SETD7: variants seen among roughly 807,000 people sequenced by gnomAD.
SETD7 encodes the protein SET domain containing 7, histone lysine methyltransferase.
A neutral mutation model predicts 41.8 loss-of-function variants in SETD7; 16 were observed. That is an observed-to-expected ratio of 0.38 (90% CI 0.26 to 0.58). The LOEUF (loss-of-function observed/expected upper bound fraction) is 0.58, where lower values mean the gene tolerates loss of function less well. Ranked by LOEUF, SETD7 falls within the 20% of genes least tolerant of loss-of-function variation. SETD7 has a pLI of 0.64. For missense variants in SETD7, 346 were observed against 459.7 expected (o/e 0.75, Z 2.26); for synonymous variants, 163 against 169.7 (o/e 0.96, Z 0.31).
chr4:139,520,941 G>T (rs1260444727), intron 5 of SETD7, among the ~76,000 whole-genome samples: 1 of 152,170 alleles, frequency 6.6e-6, no homozygotes, highest in African/African-American at 2.4e-5. Context: ...GTCCAGTCTG[G>T]CTGCTGCTCA....
intron 2 of SETD7, among the ~76,000 whole-genome samples, chr4:139,533,965 C>CTTTGTATG (rs1553934806): frequency 6.1e-5 from 9 of 148,544 alleles, no homozygotes; most frequent in Middle Eastern, 3.4e-3. Flanking sequence ...ATCTATATAT[C>CTTTGTATG]TATGTATGTA....
At position 139,555,835 on chromosome 4, in the gene SETD7, C is replaced by A. The variant is rs960636005; in HGVS notation, c.40+263G>T. On this transcript the variant is annotated intron_variant, in intron 1 of 7. Transcript: ENST00000274031. This position sits in a 1 kb window ranked among gnomAD's most constrained non-coding sequence, Gnocchi z 4.0. ...CTCCGAGGGTGGATGCAGGCTGTGG[C>A]CGGGCGGGATGGAGCGGCCGTGCGT... is the stretch of plus-strand genomic sequence containing the variant. Among the ~76,000 whole-genome samples the A allele has an allele frequency of 1.2e-4, 18 of 152,112 alleles. No homozygotes were observed. Among genetic ancestry groups the A allele is most frequent in the African/African-American group, 3.6e-4 (15 of 41,446 alleles).
Position 139,508,783 on chromosome 4 carries a change from T to C in SETD7, c.*2880A>G, listed in dbSNP as rs1726779062. ...CCCCAGCAGATGTAAAGTAGAAAAATACATTCTGAGTATTCTTTTCCACTT... is the reference window on the plus strand; with the variant it reads ...CCCCAGCAGATGTAAAGTAGAAAAACACATTCTGAGTATTCTTTTCCACTT... On this transcript the variant is annotated 3_prime_UTR_variant, in exon 8 of 8. Coordinates refer to ENST00000274031, the MANE Select transcript of SETD7 (RefSeq NM_030648.4). 1 of 152,142 alleles carries C rather than the reference T, an allele frequency of 6.6e-6. No homozygotes were observed. Among genetic ancestry groups the C allele is most frequent in the Non-Finnish European group, 1.5e-5 (1 of 68,034 alleles). The allele number at this position is 152,142 out of a possible 1,614,324, so 9.4% of individuals were successfully genotyped here.
intron 3 of SETD7, among the ~76,000 whole-genome samples, chr4:139,530,112 G>C (rs1037426713): frequency 6.6e-6 from 1 of 152,056 alleles, no homozygotes; most frequent in Non-Finnish European, 1.5e-5. Context: ...TTACCAAAAA[G>C]TAATGAATAA....
Position 139,511,374 on chromosome 4 carries a change from C to T in SETD7, c.*289G>A, listed in dbSNP as rs902027336. The T allele has an allele frequency of 1.9e-5, 7 of 371,172 alleles. No homozygotes were observed. Among genetic ancestry groups the T allele is most frequent in the South Asian group, 9.0e-5 (3 of 33,244 alleles). 23.0% of individuals were successfully genotyped at this position (371,172 alleles called of 1,614,324 possible). A position where few individuals can be genotyped will look rare whatever the true frequency, so the allele number is the denominator to read the frequency against. On this transcript the variant is annotated 3_prime_UTR_variant, in exon 8 of 8. Coordinates refer to ENST00000274031, the MANE Select transcript of SETD7 (RefSeq NM_030648.4). ...TTTCAGTCTAATCATTTGGCATCTC[C>T]GAATGTGGTACAGATTTAGACTTGA...
intron 7 of SETD7, among the ~76,000 whole-genome samples, chr4:139,499,372 A>G (rs1579194044): frequency 1.3e-5 from 2 of 152,332 alleles, no homozygotes; most frequent in East Asian, 3.9e-4. Flanking sequence ...TTAAACAATG[A>G]CCTGCCATTG....
chr4:139,531,596 C>T (rs1727483461), intron 3 of SETD7, among the ~76,000 whole-genome samples: 1 of 152,170 alleles, frequency 6.6e-6, no homozygotes. Flanking sequence ...ACGGATCCTA[C>T]CAAGAGGATA....
intron 2 of SETD7, among the ~76,000 whole-genome samples, chr4:139,540,418 G>A (rs1324141119): frequency 6.6e-6 from 1 of 152,180 alleles, no homozygotes; most frequent in Non-Finnish European, 1.5e-5. Context: ...AGGCAGTCAG[G>A]CCCACAGCTA....
chr4:139,551,840 A>G (rs996038541), intron 1 of SETD7, among the ~76,000 whole-genome samples: 2 of 152,200 alleles, frequency 1.3e-5, no homozygotes, highest in Non-Finnish European at 2.9e-5. Flanking sequence ...GTGAGACCCC[A>G]TCTCATTAAA....
At chr4:139,528,389 G>T (rs1260230705) in intron 4 of SETD7, among the ~76,000 whole-genome samples, 1 of 152,104 alleles carries the variant, frequency 6.6e-6, no homozygotes, top group African/African-American at 2.4e-5. Flanking sequence ...TACTTGATTT[G>T]GTTCTTTATT....
chr4:139,517,250 G>GGATC (rs1488250341), intron 7 of SETD7, among the ~76,000 whole-genome samples: 1 of 152,150 alleles, frequency 6.6e-6, no homozygotes, highest in Non-Finnish European at 1.5e-5. Flanking sequence ...CGAGGCTGGT[G>GGATC]GATCACCTGA....
chr4:139,500,180 TGAA>T, intron 7 of SETD7, among the ~76,000 whole-genome samples: 18 of 152,338 alleles, frequency 1.2e-4, no homozygotes, highest in Non-Finnish European at 2.5e-4. Flanking sequence ...TCACCATTCC[TGAA>T]TAATCAGTGA....
intron 2 of SETD7, among the ~76,000 whole-genome samples, chr4:139,534,657 A>G (rs997966353): frequency 1.6e-4 from 25 of 152,098 alleles, no homozygotes; most frequent in African/African-American, 6.0e-4. Context: ...CCCAGCCACA[A>G]CTAGTCAACA....
intron 1 of SETD7, among the ~76,000 whole-genome samples, chr4:139,552,678 T>C (rs1728142827): frequency 6.6e-6 from 1 of 152,172 alleles, no homozygotes; most frequent in South Asian, 2.1e-4. Flanking sequence ...ATCAAATGAC[T>C]GTTCTCTGGG....
chr4:139,520,921 T>G (rs1727161406), intron 5 of SETD7, among the ~76,000 whole-genome samples: 1 of 152,232 alleles, frequency 6.6e-6, no homozygotes. Flanking sequence ...CAGTTAACTA[T>G]GGCCTGAGGG....
chr4:139,512,752 C>CTTTTTT (rs140570195), intron 7 of SETD7, among the ~76,000 whole-genome samples: 31 of 75,532 alleles, frequency 4.1e-4, no homozygotes, highest in African/African-American at 1.0e-3. Flanking sequence ...TTTTCTTATT[C>CTTTTTT]TTTTTTTTTT....
At chr4:139,498,391 C>T (rs1726506772) in intron 7 of SETD7, among the ~76,000 whole-genome samples, 1 of 152,198 alleles carries the variant, frequency 6.6e-6, no homozygotes, top group Non-Finnish European at 1.5e-5. Flanking sequence ...CGGTACACCC[C>T]AGAATCTACT....
chr4:139,536,307 CG>C (rs1198954814), intron 2 of SETD7, among the ~76,000 whole-genome samples: 1 of 151,726 alleles, frequency 6.6e-6, no homozygotes, highest in Non-Finnish European at 1.5e-5. Context: ...TAAGGCCAGC[CG>C]GGGGAAAAAA....
At chr4:139,496,653 A>G (rs1428672658) in intron 7 of SETD7, 2 of 608,832 alleles carry the variant, frequency 3.3e-6, no homozygotes, top group Non-Finnish European at 5.8e-6. Context: ...AATCTTCTCC[A>G]TCCTCTCTTT....
Sources: gnomAD v4.1 joint callset for allele counts (sites outside exome capture counted in the v4.1 genomes callset) on GRCh38, gnomAD v4.1.1 for gene constraint, Gnocchi (gnomAD v3.1) non-coding constraint, MANE v1.5 for transcripts, NCBI Gene and HGNC (gene_info 2026-07-23, HGNC 2026-07-21) for gene names.